CACNA1D: variants seen among roughly 807,000 people sequenced by gnomAD.
The protein encoded by CACNA1D is calcium voltage-gated channel subunit alpha1 D.
A neutral mutation model predicts 257.1 loss-of-function variants in CACNA1D; 55 were observed. The ratio of observed to expected loss-of-function variants is 0.21; its 90% confidence interval spans 0.17 to 0.27. The LOEUF (loss-of-function observed/expected upper bound fraction) is 0.27. Among genes scored for constraint, CACNA1D ranks in the 10% least tolerant of loss-of-function variants. The pLI, the probability that CACNA1D is intolerant of heterozygous loss-of-function variation, is 1.00. For missense variants in CACNA1D, 1,876 were observed against 2,784.0 expected, an observed-to-expected ratio of 0.67 and a Z score of 7.34; for synonymous variants, 980 against 1,014.9, an observed-to-expected ratio of 0.97 and a Z score of 0.65.
intron 33 of CACNA1D, chr3:53,773,711 TG>T (rs1010673751): frequency 1.3e-5 from 2 of 152,062 alleles, no homozygotes; most frequent in African/African-American, 4.8e-5. Context: ...TAGAAGCATT[TG>T]CAGATCTCTG....
intron 4 of CACNA1D, 100 bp from the exon 5 acceptor site, chr3:53,660,033 C>T: frequency 9.3e-7 from 1 of 1,070,218 alleles, no homozygotes; most frequent in Non-Finnish European, 1.4e-6. Context: ...GCAGCAGCCA[C>T]ACAGAATTAG....
intron 3 of CACNA1D, among the ~76,000 whole-genome samples, chr3:53,610,151 G>A (rs2093565520): frequency 6.6e-6 from 1 of 152,106 alleles, no homozygotes; most frequent in South Asian, 2.1e-4. Flanking sequence ...TTGTGGCCCA[G>A]CATATTGTCT....
At chr3:53,515,439 T>G (rs1387336346) in intron 3 of CACNA1D, among the ~76,000 whole-genome samples, 1 of 152,188 alleles carries the variant, frequency 6.6e-6, no homozygotes, top group African/African-American at 2.4e-5. Flanking sequence ...TATACGGCAC[T>G]TCATCATAGG....
In CACNA1D at chr3:53,704,039, T is replaced by C. The variant is rs115647427; in HGVS notation, c.1390+1229T>C. Among the ~76,000 whole-genome samples the C allele has an allele frequency of 5.5e-3, 842 of 151,888 alleles. 8 individuals are homozygous for C. Among genetic ancestry groups the C allele is most frequent in the African/African-American group, 0.019 (794 of 41,418 alleles). On this transcript the variant is annotated intron_variant, in intron 9 of 47. Coordinates refer to ENST00000350061, the MANE Select transcript of CACNA1D (RefSeq NM_001128840.3). Reference sequence around the variant, plus strand: ...GACTAGCGTGAGGGAGGCGTGGAGGTGGACAAAGGCCAGGTTTCAGGGAGG... The same window carrying C: ...GACTAGCGTGAGGGAGGCGTGGAGGCGGACAAAGGCCAGGTTTCAGGGAGG...
At chr3:53,702,945 T>C in intron 9 of CACNA1D, 135 bp downstream of exon 9, 3 of 900,038 alleles carry the variant, frequency 3.3e-6, no homozygotes, top group Non-Finnish European at 5.4e-6. Flanking sequence ...CCCTTCTGCC[T>C]GCACACATCA....
intron 19 of CACNA1D, 37 bp downstream of exon 19, chr3:53,732,999 T>C (rs375128548): frequency 2.7e-4 from 440 of 1,611,388 alleles, no homozygotes; most frequent in Non-Finnish European, 3.7e-4. Context: ...CGGCTGCCTC[T>C]TGCCAGTGAC....
chr3:53,694,521 T>C (rs1183037361), intron 8 of CACNA1D, among the ~76,000 whole-genome samples: 1 of 152,130 alleles, frequency 6.6e-6, no homozygotes, highest in African/African-American at 2.4e-5. Context: ...GTAACGCTGT[T>C]GTTCTGTTGA....
chr3:53,656,869 C>T (rs952568532), intron 4 of CACNA1D, among the ~76,000 whole-genome samples: 2 of 151,962 alleles, frequency 1.3e-5, no homozygotes, highest in African/African-American at 4.8e-5. Context: ...TACTGCATAC[C>T]CACTAGTATT....
chr3:53,507,245 T>C, intron 3 of CACNA1D, among the ~76,000 whole-genome samples: 1 of 152,174 alleles, frequency 6.6e-6, no homozygotes, highest in East Asian at 1.9e-4. Flanking sequence ...TGTTAAGCCT[T>C]ACGTCATTTT....
chr3:53,683,670 T>C (rs571193045), intron 8 of CACNA1D, among the ~76,000 whole-genome samples: 1 of 152,200 alleles, frequency 6.6e-6, no homozygotes, highest in Non-Finnish European at 1.5e-5. Flanking sequence ...TTTAAGGAAC[T>C]GAAGGAAAAG....
At chr3:53,719,959 G>C (rs2094864629) in intron 11 of CACNA1D, among the ~76,000 whole-genome samples, 178 bp downstream of exon 11, 1 of 152,098 alleles carries the variant, frequency 6.6e-6, no homozygotes, top group Admixed American at 6.5e-5. Context: ...GAGATCTTAG[G>C]TGCCAAAGAT....
At chr3:53,640,199 T>C (rs1356084331) in intron 3 of CACNA1D, among the ~76,000 whole-genome samples, 1 of 152,152 alleles carries the variant, frequency 6.6e-6, no homozygotes, top group African/African-American at 2.4e-5. Flanking sequence ...GTAGACATAT[T>C]GGAGGGTTGA....
At chr3:53,742,529 G>T (rs746825686) in intron 21 of CACNA1D, among the ~76,000 whole-genome samples, 3 of 152,316 alleles carry the variant, frequency 2.0e-5, no homozygotes, top group Non-Finnish European at 2.9e-5. Context: ...ACAATAAGGG[G>T]CCTCTGTGGA....
At chr3:53,722,244 T>G in intron 11 of CACNA1D, 70 bp from the exon 12 acceptor site, 1 of 1,571,360 alleles carries the variant, frequency 6.4e-7, no homozygotes, top group Non-Finnish European at 8.7e-7. Flanking sequence ...AAATTATCTC[T>G]CAATCATATT....
intron 30 of CACNA1D, among the ~76,000 whole-genome samples, chr3:53,769,525 G>T (rs939596443): frequency 4.6e-5 from 7 of 152,176 alleles, no homozygotes; most frequent in Non-Finnish European, 7.3e-5. Flanking sequence ...GGTCCAAGGG[G>T]GTTTGTGGCC....
intron 3 of CACNA1D, among the ~76,000 whole-genome samples, chr3:53,642,563 G>T (rs2108214044): frequency 6.6e-6 from 1 of 152,344 alleles, no homozygotes; most frequent in East Asian, 1.9e-4. Context: ...TGTAGTCTTG[G>T]CAGCAAAGCA....
intron 11 of CACNA1D, 30 bp from the exon 12 acceptor site, chr3:53,722,284 T>G (rs2094890473): frequency 1.9e-6 from 3 of 1,612,916 alleles, no homozygotes; most frequent in Non-Finnish European, 1.7e-6. Flanking sequence ...GTATCTGTCA[T>G]CTACGTAGTA....
intron 3 of CACNA1D, among the ~76,000 whole-genome samples, chr3:53,541,953 A>G (rs573225848): frequency 3.3e-5 from 5 of 152,334 alleles, no homozygotes; most frequent in South Asian, 2.1e-4. Flanking sequence ...AGGGAACTCT[A>G]TAGAGGCAGA....
At chr3:53,571,773 GT>G (rs2092949218) in intron 3 of CACNA1D, among the ~76,000 whole-genome samples, 1 of 152,128 alleles carries the variant, frequency 6.6e-6, no homozygotes, top group South Asian at 2.1e-4. Flanking sequence ...AAGACAATGA[GT>G]TTTATTGCAA....
Sources: gnomAD v4.1 joint callset for allele counts (sites outside exome capture counted in the v4.1 genomes callset) on GRCh38, gnomAD v4.1.1 for gene constraint, MANE v1.5 for transcripts, NCBI Gene and HGNC (gene_info 2026-07-23, HGNC 2026-07-21) for gene names.